The following PRKG1 variants were observed in gnomAD, a reference collection of about 807,000 sequenced individuals.
The protein encoded by PRKG1 is protein kinase cGMP-dependent 1, also known as cGMP-dependent protein kinase 1.
PRKG1 carries 35 observed loss-of-function variants against 88.1 expected under a neutral mutation model. That is an observed-to-expected ratio of 0.40 (90% CI 0.30 to 0.53). PRKG1 has a LOEUF of 0.53. Among genes scored for constraint, PRKG1 ranks in the 20% least tolerant of loss-of-function variants. The pLI, the probability that PRKG1 is intolerant of heterozygous loss-of-function variation, is 0.59. For synonymous variants in PRKG1, 303 were observed against 292.5 expected, an observed-to-expected ratio of 1.04 and a Z score of -0.37; for missense variants, 540 against 839.8, an observed-to-expected ratio of 0.64 and a Z score of 4.41.
intron 1 of PRKG1, among the ~76,000 whole-genome samples, chr10:51,085,098 T>C (rs904533524): frequency 6.6e-6 from 1 of 152,190 alleles, no homozygotes; most frequent in Non-Finnish European, 1.5e-5. Context: ...AATCTAAGTT[T>C]TGCTCCTCTG....
At position 51,631,598 on chromosome 10, in the gene PRKG1, C is replaced by A. The variant is rs920513388; in HGVS notation, c.592+163762C>A. On this transcript the variant is annotated intron_variant, in intron 3 of 17. Transcript: ENST00000373980. ...GTCAAAGCTCTCTGCTAAGGTTAAT[C>A]TGTATTTGAAGCCACTCCCCTCAGT... Among the ~76,000 whole-genome samples the A allele has an allele frequency of 3.9e-5, 6 of 152,322 alleles. No individual in the cohort carries two copies. In the South Asian group the frequency reaches 6.2e-4, roughly 16 times the overall value.
intron 1 of PRKG1, among the ~76,000 whole-genome samples, chr10:51,139,291 C>G (rs1033671211): frequency 1.3e-5 from 2 of 152,122 alleles, no homozygotes; most frequent in Admixed American, 1.3e-4. Context: ...GACTGAAGCA[C>G]AATATTCATT....
At chr10:51,058,633 T>C (rs1843660311) in intron 1 of PRKG1, among the ~76,000 whole-genome samples, 1 of 152,204 alleles carries the variant, frequency 6.6e-6, no homozygotes, top group African/African-American at 2.4e-5. Flanking sequence ...TGTCTTTTGG[T>C]CGAACAAATT....
chr10:51,198,430 G>C (rs74133534), intron 2 of PRKG1, among the ~76,000 whole-genome samples: 8,033 of 152,208 alleles, frequency 0.053, 397 homozygotes, highest in African/African-American at 0.13. Flanking sequence ...AATATCCAAT[G>C]AAATTCACAG....
At chr10:51,190,903 C>A (rs891702745) in intron 2 of PRKG1, among the ~76,000 whole-genome samples, 3 of 151,838 alleles carry the variant, frequency 2.0e-5, no homozygotes, top group Non-Finnish European at 4.4e-5. Context: ...AATGTCTCTA[C>A]TATGGAGCCA....
chr10:51,333,601 C>G (rs1402285955), intron 2 of PRKG1, among the ~76,000 whole-genome samples: 1 of 152,232 alleles, frequency 6.6e-6, no homozygotes, highest in African/African-American at 2.4e-5. Flanking sequence ...AAATGCCCAT[C>G]CATTTTCCCT....
At chr10:51,156,730 A>T (rs1846224873) in intron 2 of PRKG1, among the ~76,000 whole-genome samples, 1 of 152,086 alleles carries the variant, frequency 6.6e-6, no homozygotes, top group African/African-American at 2.4e-5. Flanking sequence ...TTTAAAATTT[A>T]AAAAACGATC....
intron 8 of PRKG1, among the ~76,000 whole-genome samples, chr10:52,135,402 C>A (rs1047789447): frequency 2.6e-5 from 4 of 152,040 alleles, no homozygotes; most frequent in African/African-American, 7.2e-5. Context: ...GCAGTTCAGA[C>A]CATTTTATGC....
intron 1 of PRKG1, among the ~76,000 whole-genome samples, chr10:51,133,598 A>T (rs928369100): frequency 1.3e-5 from 2 of 152,198 alleles, no homozygotes; most frequent in African/African-American, 4.8e-5. Flanking sequence ...TCATGCAAAC[A>T]TTTACTGCCT....
chr10:51,970,522 T>G (rs1308728243), intron 5 of PRKG1, among the ~76,000 whole-genome samples: 1 of 151,248 alleles, frequency 6.6e-6, no homozygotes, highest in Non-Finnish European at 1.5e-5. Flanking sequence ...TAAATTGTAT[T>G]ATGAACTCTC....
chr10:52,261,742 A>G (rs140839550), intron 10 of PRKG1, among the ~76,000 whole-genome samples: 123 of 152,234 alleles, frequency 8.1e-4, no homozygotes, highest in Middle Eastern at 3.4e-3. Flanking sequence ...TTGTGCAGAG[A>G]AAAGTGAAGG....
At chr10:51,667,633 A>T (rs905833678) in intron 3 of PRKG1, among the ~76,000 whole-genome samples, 1 of 152,202 alleles carries the variant, frequency 6.6e-6, no homozygotes, top group African/African-American at 2.4e-5. Flanking sequence ...TGAGCATCGT[A>T]GAAGTCCTTC....
At chr10:51,527,611 A>G (rs1841914680) in intron 3 of PRKG1, among the ~76,000 whole-genome samples, 5 of 152,206 alleles carry the variant, frequency 3.3e-5, no homozygotes, top group Admixed American at 3.3e-4. Flanking sequence ...CTTATCGTTC[A>G]GCAAAACAAT....
intron 5 of PRKG1, 60 bp downstream of exon 5, chr10:51,907,630 T>C: frequency 2.8e-6 from 4 of 1,428,592 alleles, no homozygotes; most frequent in Non-Finnish European, 3.9e-6. Flanking sequence ...GGCTGGCTTC[T>C]TTCACAGCTG....
intron 5 of PRKG1, among the ~76,000 whole-genome samples, chr10:51,945,205 T>C (rs1333972159): frequency 6.7e-6 from 1 of 148,474 alleles, no homozygotes; most frequent in Non-Finnish European, 1.5e-5. Context: ...TTTACCATTA[T>C]GTAATGGCCT....
intron 3 of PRKG1, among the ~76,000 whole-genome samples, chr10:51,538,412 TATA>T (rs1842216948): frequency 6.7e-6 from 1 of 148,542 alleles, no homozygotes; most frequent in East Asian, 1.9e-4. Context: ...TACATATACA[TATA>T]ATATATGATA....
intron 7 of PRKG1, among the ~76,000 whole-genome samples, chr10:52,115,369 C>T (rs984919504): frequency 1.2e-4 from 19 of 152,082 alleles, no homozygotes; most frequent in African/African-American, 3.1e-4. Flanking sequence ...TTTTTTCTGT[C>T]GCAAAGGTGA....
At chr10:51,993,774 A>T (rs1844370031) in intron 5 of PRKG1, among the ~76,000 whole-genome samples, 1 of 152,204 alleles carries the variant, frequency 6.6e-6, no homozygotes, top group Admixed American at 6.5e-5. Flanking sequence ...TTTACATGAC[A>T]ATTGTCAGGT....
intron 3 of PRKG1, among the ~76,000 whole-genome samples, chr10:51,543,921 A>G (rs1589062408): frequency 2.6e-5 from 4 of 152,128 alleles, no homozygotes; most frequent in African/African-American, 7.2e-5. Context: ...AAGTATGGAT[A>G]CCCTTTCCAA....
Sources: gnomAD v4.1 joint callset for allele counts (sites outside exome capture counted in the v4.1 genomes callset) on GRCh38, gnomAD v4.1.1 for gene constraint, MANE v1.5 for transcripts, NCBI Gene and HGNC (gene_info 2026-07-23, HGNC 2026-07-21) for gene names.